Variants in NPHP3 observed in about 807,000 individuals in gnomAD.
NPHP3 encodes the protein nephrocystin 3.
Under a neutral mutation model 171.9 loss-of-function variants are expected in NPHP3, and 123 were observed. That is an observed-to-expected ratio of 0.72 (90% CI 0.62 to 0.83). The LOEUF is 0.83. Ranked by LOEUF, NPHP3 falls within the 40% of genes least tolerant of loss-of-function variation. The pLI is 0.00. For synonymous variants in NPHP3, 558 were observed against 579.2 expected, an observed-to-expected ratio of 0.96 and a Z score of 0.52; for missense variants, 1,506 against 1,591.9, an observed-to-expected ratio of 0.95 and a Z score of 0.92.
intron 4 of NPHP3, 130 bp from the exon 5 acceptor site, chr3:132,715,348 T>C: frequency 1.4e-6 from 1 of 733,234 alleles, no homozygotes; most frequent in Non-Finnish European, 2.4e-6. Context: ...TGCCATACCT[T>C]CTAGAGTAAT....
In NPHP3 at chr3:132,715,222, A is replaced by C; in HGVS notation, c.824-4T>G. 6.2e-6 allele frequency: 10 copies of C among 1,611,918 alleles called. No individual in the cohort carries two copies. The highest frequency in any genetic ancestry group is 8.5e-6 in the Non-Finnish European group (10 of 1,178,304). On this transcript the variant is annotated splice_polypyrimidine_tract_variant and splice_region_variant and intron_variant, in intron 4 of 26. Transcript: ENST00000337331. ...GCTACAGCAATATCCCAGTCATCTG[A>C]AAATAAAATTTCTCAAGTTCATGAA...
chr3:132,721,493 G>C (rs1391300562), intron 1 of NPHP3: 1 of 235,686 alleles, frequency 4.2e-6, no homozygotes, highest in African/African-American at 2.3e-5. Context: ...GAAACTCCTA[G>C]GAAGAGTTTG....
rs951093397 is a variant in NPHP3 at position 132,722,269 on chromosome 3, C to G, written c.87G>C (p.Glu29Asp). Residue 29 changes from glutamate (E) to aspartate (D), a missense_variant, in exon 1 of 27, where the codon GAG (glutamate) becomes GAC (aspartate). Transcript: ENST00000337331. ...TYGAGGGEAC[E>D]IPVEVKPKAR... ...CCTTGGGCTTCACCTCCACCGGGAT[C>G]TCGCAGGCCTCGCCGCCGCCCGCCC... 1.3e-6 allele frequency: 2 copies of G among 1,577,238 alleles called. No homozygotes were observed. The highest frequency in any genetic ancestry group is 1.7e-6 in the Non-Finnish European group (2 of 1,170,824).
chr3:132,698,892 C>T (rs142240712), intron 13 of NPHP3, among the ~76,000 whole-genome samples: 3 of 152,156 alleles, frequency 2.0e-5, no homozygotes, highest in South Asian at 4.1e-4. Context: ...TAACCTCCCC[C>T]CAAATCCCTT....
At position 132,689,095 on chromosome 3, in the gene NPHP3, C is replaced by A; in HGVS notation, c.2862G>T (p.Lys954Asn). 1 of 1,614,130 alleles carries A rather than the reference C, an allele frequency of 6.2e-7. No homozygotes were observed. The highest frequency in any genetic ancestry group is 8.5e-7 in the Non-Finnish European group (1 of 1,179,994). Residue 954 changes from lysine (K) to asparagine (N), a missense_variant, in exon 20 of 27, where the codon AAG becomes AAT. Around this residue, in one of 3 missense-constraint regions of NPHP3, gnomAD observed 569 missense variants for 648.1 expected, o/e 0.88. Coordinates refer to ENST00000337331, the MANE Select transcript of NPHP3 (RefSeq NM_153240.5). Reference sequence around the variant, plus strand: ...TTACCTGACTGAGAAGGCCTAGATCCTTGAGAAATCGCCCCAAGGTTTCAT... The same window carrying A: ...TTACCTGACTGAGAAGGCCTAGATCATTGAGAAATCGCCCCAAGGTTTCAT... Reference protein sequence around the residue: ...DLYETLGRFLKDLGLLSQAIV... With the variant: ...DLYETLGRFLNDLGLLSQAIV...
chr3:132,715,194 C>T lies in NPHP3; in HGVS notation c.848G>A (p.Ser283Asn), dbSNP rs549852830. 3 of 1,612,084 alleles carry T rather than the reference C, an allele frequency of 1.9e-6. No homozygotes were observed. The highest frequency in any genetic ancestry group is 2.2e-5 in the South Asian group (2 of 91,040). The change falls in exon 5 of 27, where the codon AGT becomes AAT. Residue 283 changes from serine (S) to asparagine (N), a missense_variant. Physicochemically the swap from Ser to Asn is conservative, Grantham distance 46. Around this residue, in one of 3 missense-constraint regions of NPHP3, gnomAD observed 930 missense variants for 924.9 expected, o/e 1.01. Transcript: ENST00000337331. ...NRDDWDIAVA[S>N]LLQVTPLFSH... is the part of the protein sequence containing the mutation. ...AAACAGAGGAGTAACTTGTAATAAA[C>T]TAGCTACAGCAATATCCCAGTCATC...
chr3:132,700,122 G>A lies in NPHP3; in HGVS notation c.1744-61C>T, dbSNP rs374881808. ...ACACGTAGTTACTGAAGTAGTTACA[G>A]AGCTGGGGGAAATATTTCTATTCTT... On this transcript the variant is annotated intron_variant, in intron 11 of 26. Coordinates refer to ENST00000337331, the MANE Select transcript of NPHP3 (RefSeq NM_153240.5). 20 of 1,568,546 alleles carry A rather than the reference G, an allele frequency of 1.3e-5. No homozygotes were observed. The African/African-American group carries it at 2.7e-4, about 21-fold the overall frequency.
intron 7 of NPHP3, among the ~76,000 whole-genome samples, chr3:132,706,764 A>T (rs1313719512): frequency 6.6e-6 from 1 of 152,220 alleles, no homozygotes; most frequent in Admixed American, 6.5e-5. Flanking sequence ...CCAGCATACT[A>T]AATTTTTTAA....
At position 132,688,608 on chromosome 3, in the gene NPHP3, C is replaced by T. The variant is rs201587784; in HGVS notation, c.3125+42G>A. 480 of 1,604,462 alleles carry T rather than the reference C, an allele frequency of 3.0e-4. 4 individuals carry two copies. In the African/African-American group the frequency reaches 4.7e-3, roughly 16 times the overall value. On this transcript the variant is annotated intron_variant, in intron 21 of 26. Transcript: ENST00000337331. ...CTATAAGTACACTAAAACTGTAATC[C>T]CCCTGCATAAAATCAGGTATTACTG...
intron 13 of NPHP3, among the ~76,000 whole-genome samples, chr3:132,698,379 GCGATTCTT>G (rs1423592268): frequency 6.6e-6 from 1 of 152,130 alleles, no homozygotes; most frequent in African/African-American, 2.4e-5. Flanking sequence ...CTGGGTTCAA[GCGATTCTT>G]CTGCCTTAGC....
At chr3:132,719,912 A>AAG in intron 1 of NPHP3, 82 bp from the exon 2 acceptor site, 1 of 522,000 alleles carries the variant, frequency 1.9e-6, no homozygotes, top group Non-Finnish European at 2.8e-6. Context: ...ACATATATAT[A>AAG]TATATATGTT....
At chr3:132,686,055 A>C in intron 23 of NPHP3, 1 of 515,992 alleles carries the variant, frequency 1.9e-6, no homozygotes, top group South Asian at 2.0e-5. Context: ...TCTCAAAAAA[A>C]AAAAAAAGAG....
chr3:132,695,248 T>G (rs979713954), intron 15 of NPHP3: 1 of 335,778 alleles, frequency 3.0e-6, no homozygotes, highest in Admixed American at 4.5e-5. Context: ...GACACGGTTC[T>G]TATTATCCAG....
chr3:132,691,040 C>A lies in NPHP3; in HGVS notation c.2570+152G>T, dbSNP rs555724070. On this transcript the variant is annotated intron_variant, in intron 18 of 26. Transcript: ENST00000337331. ...TTAAAAGACAAAATCATCTTTTGCTCTTTTGACATTAACAGAATAGGGAGA... is the reference window on the plus strand; with the variant it reads ...TTAAAAGACAAAATCATCTTTTGCTATTTTGACATTAACAGAATAGGGAGA... The A allele has an allele frequency of 1.3e-4, 94 of 730,410 alleles. 1 individual carries two copies. In the East Asian group the frequency reaches 2.4e-3, roughly 18 times the overall value. The allele number at this position is 730,410 out of a possible 1,614,324, so 45.2% of individuals were successfully genotyped here.
At chr3:132,708,402 A>G in intron 6 of NPHP3, 145 bp from the exon 7 acceptor site, 1 of 740,110 alleles carries the variant, frequency 1.4e-6, no homozygotes. Context: ...GAAGCTTTCC[A>G]AAAATGGATG....
chr3:132,708,073 G>GTT, intron 7 of NPHP3, 28 bp downstream of exon 7: 1 of 1,611,748 alleles, frequency 6.2e-7, no homozygotes, highest in East Asian at 2.2e-5. Flanking sequence ...AGCTAAGTGT[G>GTT]TTTTTCAAAA....
intron 14 of NPHP3, 120 bp from the exon 15 acceptor site, chr3:132,696,933 C>A (rs1277443591): frequency 3.7e-6 from 3 of 821,368 alleles, no homozygotes; most frequent in Middle Eastern, 3.3e-4. Context: ...TGCTGCCATC[C>A]GTGACATCAC....
intron 2 of NPHP3, 132 bp from the exon 3 acceptor site, chr3:132,719,276 G>A: frequency 1.4e-6 from 1 of 713,072 alleles, no homozygotes; most frequent in South Asian, 1.9e-5. Context: ...TTCATAGGGT[G>A]AATGTCCTAG....
At chr3:132,698,891 C>T (rs1039567199) in intron 13 of NPHP3, among the ~76,000 whole-genome samples, 4 of 152,084 alleles carry the variant, frequency 2.6e-5, no homozygotes, top group African/African-American at 4.8e-5. Flanking sequence ...CTAACCTCCC[C>T]CCAAATCCCT....
Sources: gnomAD v4.1 joint callset for allele counts (sites outside exome capture counted in the v4.1 genomes callset) on GRCh38, gnomAD v4.1.1 for gene constraint, gnomAD v4.1.1 regional missense constraint, MANE v1.5 for transcripts, NCBI Gene and HGNC (gene_info 2026-07-23, HGNC 2026-07-21) for gene names.